SMARCB1: variants seen among roughly 807,000 people sequenced by gnomAD.
SMARCB1 encodes the protein SWI/SNF related BAF chromatin remodeling complex subunit B1.
SMARCB1 carries 5 observed loss-of-function variants against 49.0 expected under a neutral mutation model. The ratio of observed to expected loss-of-function variants is 0.10; its 90% confidence interval spans 0.05 to 0.21. SMARCB1 has a LOEUF of 0.21. SMARCB1 is among the 10% of genes least tolerant of loss of function. SMARCB1 has a pLI of 1.00. For missense variants in SMARCB1, 226 were observed against 509.2 expected, an observed-to-expected ratio of 0.44 and a Z score of 5.35; for synonymous variants, 201 against 200.1, an observed-to-expected ratio of 1.00 and a Z score of -0.04.
chr22:23,800,697 T>C (rs1728498692), intron 3 of SMARCB1, among the ~76,000 whole-genome samples: 1 of 152,190 alleles, frequency 6.6e-6, no homozygotes, highest in Non-Finnish European at 1.5e-5. Flanking sequence ...GCCTGGCTCA[T>C]AGTGCAGTAC....
Position 23,800,791 on chromosome 22 carries a change from C to T in SMARCB1, c.363-153C>T, listed in dbSNP as rs9608186. Reference sequence around the variant, plus strand: ...TAGCATCTGATGACAGCCTGGGGAGCAGGCTCCTGCAAAGTCAGGTGCACA... The same window carrying T: ...TAGCATCTGATGACAGCCTGGGGAGTAGGCTCCTGCAAAGTCAGGTGCACA... On this transcript the variant is annotated intron_variant, in intron 3 of 8. Transcript: ENST00000644036. Among the ~76,000 whole-genome samples the T allele has an allele frequency of 0.59, 89,522 of 151,588 alleles. 29,363 individuals carry two copies. Among genetic ancestry groups the T allele is most frequent in the Non-Finnish European group, 0.72 (49,062 of 67,760 alleles).
chr22:23,791,638 G>A (rs1236726006), intron 1 of SMARCB1, 118 bp from the exon 2 acceptor site: 7 of 951,958 alleles, frequency 7.4e-6, no homozygotes, highest in Middle Eastern at 3.1e-4. Context: ...CGAAAGCGTG[G>A]CGCCTGGGGG....
At chr22:23,834,023 G>A (rs2030822516) in intron 8 of SMARCB1, 118 bp from the exon 9 acceptor site, 1 of 1,102,356 alleles carries the variant, frequency 9.1e-7, no homozygotes, top group South Asian at 1.3e-5. Context: ...CCTGCTGGGG[G>A]CCCACATCCT....
At chr22:23,824,204 A>G (rs1387249997) in intron 6 of SMARCB1, 2 of 152,174 alleles carry the variant, frequency 1.3e-5, no homozygotes, top group Non-Finnish European at 2.9e-5. Flanking sequence ...GGATTGGGGT[A>G]CCCTAATCTC....
rs11703363 is a variant in SMARCB1 at position 23,837,474 on chromosome 22, A to T, written c.*3294A>T. 0.12 allele frequency: 79,706 copies of T among 691,148 alleles called. 4,936 individuals are homozygous for T. The highest frequency in any genetic ancestry group is 0.18 in the South Asian group (9,282 of 52,694). 42.8% of individuals were successfully genotyped at this position (691,148 alleles called of 1,614,324 possible). On this transcript the variant is annotated 3_prime_UTR_variant, in exon 9 of 9. Transcript: ENST00000644036. ...TCAGTAGATCCGTCCTGACGATGCA[A>T]ATTATGTGGGCCGGCTGGCTTGAGG...
intron 5 of SMARCB1, 41 bp downstream of exon 5, chr22:23,803,463 C>T (rs1929301714): frequency 1.2e-6 from 2 of 1,611,118 alleles, no homozygotes; most frequent in East Asian, 2.2e-5. Context: ...GCCCCAACCC[C>T]TGTGTGTTAC....
chr22:23,814,818 A>C (rs1295784391), intron 5 of SMARCB1, among the ~76,000 whole-genome samples: 36 of 139,410 alleles, frequency 2.6e-4, no homozygotes, highest in South Asian at 1.4e-3. Flanking sequence ...TAAAAATACA[A>C]AATTAGCCGG....
chr22:23,831,175 C>T (rs1256471962), intron 7 of SMARCB1, among the ~76,000 whole-genome samples: 1 of 152,164 alleles, frequency 6.6e-6, no homozygotes, highest in Non-Finnish European at 1.5e-5. Context: ...TTTGGCATCT[C>T]CCCTTCCTGG....
At chr22:23,790,202 G>T (rs1444622338) in intron 1 of SMARCB1, among the ~76,000 whole-genome samples, 1 of 151,964 alleles carries the variant, frequency 6.6e-6, no homozygotes, top group African/African-American at 2.4e-5. Flanking sequence ...GTCATAGGGG[G>T]GAGTATTGTC....
intron 7 of SMARCB1, among the ~76,000 whole-genome samples, chr22:23,829,170 G>T (rs966022072): frequency 6.6e-6 from 1 of 152,172 alleles, no homozygotes; most frequent in African/African-American, 2.4e-5. Flanking sequence ...CCAGGGACGG[G>T]AGGAGACAGT....
At chr22:23,824,256 CAGT>C (rs901622067) in intron 6 of SMARCB1, 3 of 152,282 alleles carry the variant, frequency 2.0e-5, no homozygotes, top group Non-Finnish European at 4.4e-5. Context: ...GACTCCGAGG[CAGT>C]GGTGAGTTTT....
At position 23,825,235 on chromosome 22, in the gene SMARCB1, A is replaced by G; in HGVS notation, c.806A>G (p.His269Arg). 6.2e-7 allele frequency: 1 copy of G among 1,614,052 alleles called. No individual in the cohort carries two copies. The highest frequency in any genetic ancestry group is 8.5e-7 in the Non-Finnish European group (1 of 1,179,872). The change falls in exon 7 of 9, where the codon CAT (histidine) becomes CGT (arginine). Residue 269 changes from histidine to arginine, a missense_variant. His to Arg is a conservative substitution (Grantham distance 29). Transcript: ENST00000644036. Reference protein sequence around the residue: ...DQRVIIKLNIHVGNISLVDQF... With the variant: ...DQRVIIKLNIRVGNISLVDQF... The stretch of plus-strand genomic sequence containing the variant: ...TGGTTGTTGCCTCAGCTGAACATCC[A>G]TGTGGGAAACATTTCCCTGGTGGAC...
rs1215893685 is a variant in SMARCB1 at position 23,835,016 on chromosome 22, C to T, written c.*836C>T. ...AGGGCTGTTCTAGCTCCAGTGGCAC[C>T]CATAGCCAGGTCAGCTGGGGCCCTT... On this transcript the variant is annotated 3_prime_UTR_variant, in exon 9 of 9. Transcript: ENST00000644036. 2.1e-6 allele frequency: 3 copies of T among 1,439,438 alleles called. No homozygotes were observed. The highest frequency in any genetic ancestry group is 2.9e-5 in the South Asian group (2 of 68,682). 89.2% of individuals were successfully genotyped at this position (1,439,438 alleles called of 1,614,324 possible). A position where few individuals can be genotyped will look rare whatever the true frequency, so the allele number is the denominator to read the frequency against.
At position 23,830,278 on chromosome 22, in the gene SMARCB1, C is replaced by T. The variant is rs1485884185; in HGVS notation, c.987-3294C>T. ...CACCATTTTGCATTCCCACCAGAAGCGTGCGATTCCCGTTTCTCTGGATCC... is the reference window on the plus strand; with the variant it reads ...CACCATTTTGCATTCCCACCAGAAGTGTGCGATTCCCGTTTCTCTGGATCC... On this transcript the variant is annotated intron_variant, in intron 7 of 8. Transcript: ENST00000644036. Among the ~76,000 whole-genome samples the T allele has an allele frequency of 5.3e-5, 8 of 152,204 alleles. No homozygotes were observed. The East Asian group carries it at 9.6e-4, about 18-fold the overall frequency.
At chr22:23,828,347 G>A (rs1313558400) in intron 7 of SMARCB1, among the ~76,000 whole-genome samples, 3 of 149,312 alleles carry the variant, frequency 2.0e-5, no homozygotes, top group Admixed American at 6.7e-5. Context: ...CACCGCGCTC[G>A]GCCACATGAC....
chr22:23,799,847 G>T (rs1215309758), intron 3 of SMARCB1, among the ~76,000 whole-genome samples: 3 of 151,964 alleles, frequency 2.0e-5, no homozygotes, highest in African/African-American at 7.3e-5. Context: ...ACCACGCCCG[G>T]CTAATTTTTT....
In SMARCB1 at chr22:23,824,777, G is replaced by T. The variant is rs954408108; in HGVS notation, c.796-448G>T. On this transcript the variant is annotated intron_variant, in intron 6 of 8. Transcript: ENST00000644036. ...TGCATCTGTGAACACGCTAGGCAGGGTTTTCCGAGAGGGGCAAGCTCTGTA... is the reference window on the plus strand; with the variant it reads ...TGCATCTGTGAACACGCTAGGCAGGTTTTTCCGAGAGGGGCAAGCTCTGTA... The T allele has an allele frequency of 4.5e-5, 10 of 221,810 alleles. No individual in the cohort carries two copies. In the South Asian group the frequency reaches 6.8e-4, roughly 15 times the overall value. The allele number at this position is 221,810 out of a possible 1,614,324, so 13.7% of individuals were successfully genotyped here.
rs529182881 is a variant in SMARCB1, at chr22:23,803,444, C to A, written c.628+22C>A. The A allele has an allele frequency of 6.2e-6, 10 of 1,613,594 alleles. No homozygotes were observed. In the Admixed American group the frequency reaches 1.7e-4, roughly 27 times the overall value. ...AATGGTACAAGGCAGTCGGGCTTGG[C>A]TGGGCCTGGCCCCAACCCCTGTGTG... is the stretch of plus-strand genomic sequence containing the variant. On this transcript the variant is annotated intron_variant, in intron 5 of 8. Coordinates refer to ENST00000644036, the MANE Select transcript of SMARCB1 (RefSeq NM_003073.5).
chr22:23,796,313 C>T (rs751681296), intron 3 of SMARCB1, among the ~76,000 whole-genome samples: 27 of 151,844 alleles, frequency 1.8e-4, no homozygotes, highest in Non-Finnish European at 7.4e-5. Flanking sequence ...AGGTTAGTGA[C>T]GGGTCAGCCA....
Sources: gnomAD v4.1 joint callset for allele counts (sites outside exome capture counted in the v4.1 genomes callset) on GRCh38, gnomAD v4.1.1 for gene constraint, MANE v1.5 for transcripts, NCBI Gene and HGNC (gene_info 2026-07-23, HGNC 2026-07-21) for gene names.